The following PPP1R12A variants were observed in gnomAD, a reference collection of about 807,000 sequenced individuals.
PPP1R12A encodes protein phosphatase 1 regulatory subunit 12A.
PPP1R12A carries 19 observed loss-of-function variants against 139.6 expected under a neutral mutation model. The ratio of observed to expected loss-of-function variants is 0.14; its 90% CI spans 0.09 to 0.20. PPP1R12A has a LOEUF of 0.20. PPP1R12A is among the 10% of genes least tolerant of loss of function. The pLI is 1.00. For synonymous variants in PPP1R12A, 427 were observed against 420.6 expected, an observed-to-expected ratio of 1.02 and a Z score of -0.19; for missense variants, 925 against 1,211.5, an observed-to-expected ratio of 0.76 and a Z score of 3.51.
At chr12:79,872,700 A>T in intron 2 of PPP1R12A, 108 bp downstream of exon 2, 3 of 1,194,760 alleles carry the variant, frequency 2.5e-6, no homozygotes, top group Non-Finnish European at 3.5e-6. Flanking sequence ...AATAATTTTC[A>T]TGAATTAAAG....
Position 79,776,035 on chromosome 12 carries a change from A to T in PPP1R12A, c.3007-20T>A. The T allele has an allele frequency of 6.9e-7, 1 of 1,457,916 alleles. No individual in the cohort carries two copies. The highest frequency in any genetic ancestry group is 9.3e-7 in the Non-Finnish European group (1 of 1,069,752). 90.3% of individuals were successfully genotyped at this position (1,457,916 alleles called of 1,614,324 possible). A position where few individuals can be genotyped will look rare whatever the true frequency, so the allele number is the denominator to read the frequency against. ...TAACATCTATAAAGAGAAAAATTGA[A>T]GATCAAGTTTTACCTTCAATATTAA... On this transcript the variant is annotated intron_variant, in intron 24 of 24. Transcript: ENST00000450142.
In PPP1R12A at chr12:79,793,941, T is replaced by G. The variant is rs199513392; in HGVS notation, c.2584-13A>C. Reference sequence around the variant, plus strand: ...CATTTTCATCACTCTAAAAACAGATTGCCAATTTATATTTTAGGAAATTTT... The same window carrying G: ...CATTTTCATCACTCTAAAAACAGATGGCCAATTTATATTTTAGGAAATTTT... On this transcript the variant is annotated splice_polypyrimidine_tract_variant and intron_variant, in intron 18 of 24. Transcript: ENST00000450142. 3.5e-3 allele frequency: 5,452 copies of G among 1,544,466 alleles called. 16 individuals are homozygous for G. Among genetic ancestry groups the G allele is most frequent in the Non-Finnish European group, 4.5e-3 (5,237 of 1,152,950 alleles).
intron 23 of PPP1R12A, chr12:79,779,110 CATT>C (rs1255754152): frequency 2.9e-6 from 1 of 341,702 alleles, no homozygotes; most frequent in Non-Finnish European, 5.8e-6. Context: ...TTTAGGTTGA[CATT>C]ATGTGTAGCA....
chr12:79,859,074 T>C (rs1460647376), intron 2 of PPP1R12A, among the ~76,000 whole-genome samples: 1 of 152,010 alleles, frequency 6.6e-6, no homozygotes, highest in African/African-American at 2.4e-5. Context: ...ACTGCAATAA[T>C]TCCAGTGAAA....
intron 1 of PPP1R12A, among the ~76,000 whole-genome samples, chr12:79,915,949 T>C (rs563752348): frequency 1.3e-5 from 2 of 150,534 alleles, no homozygotes; most frequent in Non-Finnish European, 2.9e-5. Flanking sequence ...AAAATCAAGC[T>C]ATACTGTTTG....
At chr12:79,857,318 A>C (rs1349677823) in intron 2 of PPP1R12A, among the ~76,000 whole-genome samples, 2 of 151,914 alleles carry the variant, frequency 1.3e-5, no homozygotes, top group African/African-American at 4.8e-5. Flanking sequence ...CATTCTCAGT[A>C]AACTATCGCA....
At chr12:79,855,626 A>C (rs1880556743) in intron 2 of PPP1R12A, among the ~76,000 whole-genome samples, 1 of 152,178 alleles carries the variant, frequency 6.6e-6, no homozygotes, top group Admixed American at 6.5e-5. Flanking sequence ...TATTTTAGAA[A>C]GATAATATTA....
intron 3 of PPP1R12A, 109 bp from the exon 4 acceptor site, chr12:79,832,600 A>G: frequency 8.4e-7 from 1 of 1,184,554 alleles, no homozygotes; most frequent in Non-Finnish European, 1.1e-6. Context: ...AAGTGAAAGT[A>G]TGTCTTTTTA....
upstream of PPP1R12A, chr12:79,935,228 A>T (rs980228530): frequency 8.0e-7 from 1 of 1,251,874 alleles, no homozygotes; most frequent in African/African-American, 1.6e-5. Flanking sequence ...GCGCCCTTCG[A>T]CCAGTGCGCA....
chr12:79,906,135 AAATG>A (rs1414964990), intron 1 of PPP1R12A, among the ~76,000 whole-genome samples: 1 of 152,198 alleles, frequency 6.6e-6, no homozygotes, highest in Non-Finnish European at 1.5e-5. Flanking sequence ...ATGAATAAGC[AAATG>A]AATGAATGAG....
chr12:79,841,236 T>A (rs1351035735), intron 3 of PPP1R12A, among the ~76,000 whole-genome samples: 2 of 152,062 alleles, frequency 1.3e-5, no homozygotes, highest in African/African-American at 4.8e-5. Context: ...GCCTTCCAAC[T>A]CCTTTTCTTT....
intron 8 of PPP1R12A, 46 bp downstream of exon 8, chr12:79,820,728 C>T (rs1281022976): frequency 1.3e-6 from 2 of 1,592,770 alleles, no homozygotes; most frequent in African/African-American, 2.7e-5. Context: ...TCTTATTTTA[C>T]ACTGCCACAA....
intron 9 of PPP1R12A, 59 bp from the exon 10 acceptor site, chr12:79,810,069 T>A: frequency 7.8e-7 from 1 of 1,284,444 alleles, no homozygotes; most frequent in Non-Finnish European, 1.1e-6. Context: ...GATCAGTCCT[T>A]AAATTGGAAA....
intron 2 of PPP1R12A, among the ~76,000 whole-genome samples, chr12:79,860,688 A>T (rs1881215107): frequency 1.3e-5 from 2 of 152,208 alleles, no homozygotes; most frequent in Non-Finnish European, 2.9e-5. Flanking sequence ...TGGAACTAGT[A>T]TTTTACGTAA....
Position 79,775,912 on chromosome 12 carries a change from T to A in PPP1R12A, c.*17A>T. 6.6e-7 allele frequency: 1 copy of A among 1,523,114 alleles called. No homozygotes were observed. Among genetic ancestry groups the A allele is most frequent in the Non-Finnish European group, 8.9e-7 (1 of 1,124,834 alleles). 94.3% of individuals were successfully genotyped at this position (1,523,114 alleles called of 1,614,324 possible). On this transcript the variant is annotated 3_prime_UTR_variant, in exon 25 of 25. Coordinates refer to ENST00000450142, the MANE Select transcript of PPP1R12A (RefSeq NM_002480.3). Reference sequence around the variant, plus strand: ...TACTAATATGTGCAATTCCATTACTTGCTGCTTTTTTTTTTTTTATTTGGA... The same window carrying A: ...TACTAATATGTGCAATTCCATTACTAGCTGCTTTTTTTTTTTTTATTTGGA...
chr12:79,791,850 C>T (rs559852366), intron 19 of PPP1R12A, among the ~76,000 whole-genome samples: 18 of 152,260 alleles, frequency 1.2e-4, no homozygotes, highest in Non-Finnish European at 2.2e-4. Flanking sequence ...AAAGGTTCTA[C>T]TTTCTGTTTC....
At chr12:79,834,593 A>C (rs1877851699) in intron 3 of PPP1R12A, among the ~76,000 whole-genome samples, 1 of 152,220 alleles carries the variant, frequency 6.6e-6, no homozygotes, top group Non-Finnish European at 1.5e-5. Flanking sequence ...TCGAGAATCA[A>C]TCAGAGGTTT....
intron 1 of PPP1R12A, among the ~76,000 whole-genome samples, chr12:79,873,446 AC>A (rs978316482): frequency 6.7e-6 from 1 of 150,282 alleles, no homozygotes; most frequent in African/African-American, 2.4e-5. Flanking sequence ...GGCCAAAAAA[AC>A]CCCACCTCTA....
chr12:79,888,094 C>T (rs981762513), intron 1 of PPP1R12A, among the ~76,000 whole-genome samples: 1 of 152,130 alleles, frequency 6.6e-6, no homozygotes, highest in Non-Finnish European at 1.5e-5. Context: ...GTGTCTGCTA[C>T]AGCCAGACAC....
Sources: gnomAD v4.1 joint callset for allele counts (sites outside exome capture counted in the v4.1 genomes callset) on GRCh38, gnomAD v4.1.1 for gene constraint, MANE v1.5 for transcripts, NCBI Gene and HGNC (gene_info 2026-07-23, HGNC 2026-07-21) for gene names.